The following ANKS1B variants were observed in gnomAD, a reference collection of about 807,000 sequenced individuals.
ANKS1B encodes ankyrin repeat and sterile alpha motif domain containing 1B.
In ANKS1B, 36 loss-of-function variants were observed where a neutral mutation model predicts 148.3. The ratio of observed to expected loss-of-function variants is 0.24; its 90% CI spans 0.19 to 0.32. The LOEUF is 0.32. Among genes scored for constraint, ANKS1B ranks in the 10% least tolerant of loss-of-function variants. The pLI is 1.00. For missense variants in ANKS1B, 1,157 were observed against 1,542.6 expected (o/e 0.75, Z 4.19); for synonymous variants, 542 against 560.8 (o/e 0.97, Z 0.47).
At chr12:99,539,745 T>C (rs1187179411) in intron 9 of ANKS1B, among the ~76,000 whole-genome samples, 1 of 152,140 alleles carries the variant, frequency 6.6e-6, no homozygotes, top group Non-Finnish European at 1.5e-5. Flanking sequence ...TGCTTTTTTG[T>C]TTTCTTATAG....
chr12:99,532,390 C>G (rs564224929), intron 9 of ANKS1B, among the ~76,000 whole-genome samples: 38 of 152,218 alleles, frequency 2.5e-4, no homozygotes, highest in African/African-American at 8.4e-4. Flanking sequence ...GAGACGGAGT[C>G]TCGCTCTGTC....
intron 10 of ANKS1B, among the ~76,000 whole-genome samples, chr12:99,496,892 C>T (rs1185947858): frequency 1.3e-5 from 2 of 152,124 alleles, no homozygotes; most frequent in East Asian, 3.9e-4. Flanking sequence ...CTGCTCAGCC[C>T]CTGAGAAATG....
At chr12:99,625,988 GC>G (rs2098109196) in intron 9 of ANKS1B, among the ~76,000 whole-genome samples, 1 of 152,012 alleles carries the variant, frequency 6.6e-6, no homozygotes, top group South Asian at 2.1e-4. Context: ...TTCTTAGATA[GC>G]CCCCCAAGGA....
intron 10 of ANKS1B, among the ~76,000 whole-genome samples, chr12:99,454,525 C>T (rs2095814467): frequency 6.6e-6 from 1 of 152,196 alleles, no homozygotes; most frequent in Non-Finnish European, 1.5e-5. Context: ...TCAATTCAAA[C>T]ATAAAAAGCA....
At chr12:98,871,928 C>T (rs200788) in intron 17 of ANKS1B, among the ~76,000 whole-genome samples, 90,373 of 151,968 alleles carry the variant, frequency 0.59, 27,263 homozygotes, top group African/African-American at 0.69. Flanking sequence ...GTTTAGTATG[C>T]AATGAGTGAC....
In ANKS1B at chr12:99,655,160, A is replaced by T. The variant is rs886347165; in HGVS notation, c.1179T>A (p.Asp393Glu). The part of the protein sequence containing the change: ...NLSPGEVEEE[D>E]DDENTCGPSG... ...ATGGCCCACACGTATTTTCATCATCATCCTCTTCTTCCACTTCTCCTGGTG... is the reference window on the plus strand; with the variant it reads ...ATGGCCCACACGTATTTTCATCATCTTCCTCTTCTTCCACTTCTCCTGGTG... The change falls in exon 9 of 27, where the codon GAT (aspartate) becomes GAA (glutamate). Residue 393 changes from aspartate to glutamate, a missense_variant. By Grantham distance (45) the Asp-to-Glu change is conservative (BLOSUM62 2). Transcript: ENST00000683438. The T allele has an allele frequency of 1.2e-6, 2 of 1,612,516 alleles. No individual in the cohort carries two copies. Among genetic ancestry groups the T allele is most frequent in the Admixed American group, 3.3e-5 (2 of 59,866 alleles).
rs529398860 is a variant in ANKS1B at position 99,212,777 on chromosome 12, C to A, written c.2419+31565G>T. ...GCAGGCCTAGAGCTGGACTTGTATA[C>A]CTTGAGACTTCCCTGCTATAGGCAG... On this transcript the variant is annotated intron_variant, in intron 14 of 26. Coordinates refer to ENST00000683438, the MANE Select transcript of ANKS1B (RefSeq NM_001352186.2). Among the ~76,000 whole-genome samples the A allele has an allele frequency of 5.3e-5, 8 of 152,236 alleles. No individual in the cohort carries two copies. The East Asian group carries it at 1.5e-3, about 29-fold the overall frequency.
At chr12:99,372,522 T>C (rs1379355015) in intron 12 of ANKS1B, among the ~76,000 whole-genome samples, 16 of 152,156 alleles carry the variant, frequency 1.1e-4, no homozygotes, top group Admixed American at 1.0e-3. Context: ...CTCTGCTTTT[T>C]AAAATTCCTT....
intron 1 of ANKS1B, among the ~76,000 whole-genome samples, chr12:99,895,303 C>T (rs1406481264): frequency 1.3e-5 from 2 of 149,750 alleles, no homozygotes; most frequent in Non-Finnish European, 3.0e-5. Context: ...ACAGAACCAA[C>T]GGGATAGAGA....
chr12:99,142,174 G>A (rs1211036028), intron 15 of ANKS1B, among the ~76,000 whole-genome samples: 1 of 151,126 alleles, frequency 6.6e-6, no homozygotes, highest in Non-Finnish European at 1.5e-5. Flanking sequence ...GGTAGGAGGA[G>A]ATAACAGAGA....
rs1028321807 is a variant in ANKS1B, at chr12:99,873,902, CA to C, written c.135-48514del. ...GCAGACCACCTTTGGACTGGAACTG[CA>C]AGTCTTCCCTGAGTCTCCTGCATGC... On this transcript the variant is annotated intron_variant, in intron 1 of 26. Transcript: ENST00000683438. 2.0e-5 allele frequency among the ~76,000 whole-genome samples: 3 copies of C among 151,910 alleles called. 1 individual carries two copies. The highest frequency in any genetic ancestry group is 2.0e-4 in the Admixed American group (3 of 15,232).
At chr12:99,592,777 G>A (rs2097716103) in intron 9 of ANKS1B, among the ~76,000 whole-genome samples, 1 of 152,132 alleles carries the variant, frequency 6.6e-6, no homozygotes, top group South Asian at 2.1e-4. Flanking sequence ...GAGAACATGT[G>A]CCCAAGGTGC....
rs116719688 is a variant in ANKS1B at position 99,557,277 on chromosome 12, G to C, written c.1273-52636C>G. 9.5e-3 allele frequency among the ~76,000 whole-genome samples: 1,444 copies of C among 152,182 alleles called. 25 individuals carry two copies. The highest frequency in any genetic ancestry group is 0.033 in the African/African-American group (1,378 of 41,544). ...CTCAAATATATTTTCCAGGTTTCTT[G>C]CTTTCTCTCCCTCTCTTTCAGAGAT... On this transcript the variant is annotated intron_variant, in intron 9 of 26. Coordinates refer to ENST00000683438, the MANE Select transcript of ANKS1B (RefSeq NM_001352186.2).
chr12:99,495,309 C>G (rs190352454), intron 10 of ANKS1B, among the ~76,000 whole-genome samples: 50 of 151,202 alleles, frequency 3.3e-4, no homozygotes, highest in African/African-American at 1.2e-3. Flanking sequence ...TATTCACACA[C>G]AGTGGAAACA....
At position 98,985,306 on chromosome 12, in the gene ANKS1B, A is replaced by G. The variant is rs976913394; in HGVS notation, c.2778+67851T>C. ...TAAAAAATTTTTTTTTGCAGAGAAGAGATCTTGCTATATTGACCATACTGA... is the reference window on the plus strand; with the variant it reads ...TAAAAAATTTTTTTTTGCAGAGAAGGGATCTTGCTATATTGACCATACTGA... On this transcript the variant is annotated intron_variant, in intron 17 of 26. Coordinates refer to ENST00000683438, the MANE Select transcript of ANKS1B (RefSeq NM_001352186.2). Among the ~76,000 whole-genome samples, 4 of 152,066 alleles carry G rather than the reference A, an allele frequency of 2.6e-5. No homozygotes were observed. The East Asian group carries it at 5.8e-4, about 22-fold the overall frequency.
At chr12:99,015,197 T>G (rs983036231) in intron 17 of ANKS1B, among the ~76,000 whole-genome samples, 3 of 152,094 alleles carry the variant, frequency 2.0e-5, no homozygotes, top group Non-Finnish European at 4.4e-5. Context: ...TGCAGCCATA[T>G]AAAAGAATGA....
rs185682263 is a variant in ANKS1B at position 99,158,621 on chromosome 12, C to T, written c.2420-4226G>A. On this transcript the variant is annotated intron_variant, in intron 14 of 26. Transcript: ENST00000683438. ...AATCAGAAACCAAAAACAATGCCAA[C>T]AAAAACCAACCATCAAAGTCTTTGC... is the stretch of plus-strand genomic sequence containing the variant. Among the ~76,000 whole-genome samples, 519 of 152,222 alleles carry T rather than the reference C, an allele frequency of 3.4e-3. 2 individuals carry two copies. The highest frequency in any genetic ancestry group is 0.012 in the African/African-American group (486 of 41,546).
chr12:99,909,353 A>G (rs1480617121), intron 1 of ANKS1B, among the ~76,000 whole-genome samples: 2 of 151,928 alleles, frequency 1.3e-5, no homozygotes, highest in African/African-American at 4.8e-5. Context: ...TGCAATAAAC[A>G]TGGGAGCTCA....
At chr12:98,798,815 C>T (rs1301016796) in intron 22 of ANKS1B, 119 bp downstream of exon 22, 2 of 731,426 alleles carry the variant, frequency 2.7e-6, no homozygotes, top group African/African-American at 3.6e-5. Context: ...TATGTAATAC[C>T]AATGTGATTC....
Sources: allele counts gnomAD v4.1 joint callset (sites outside exome capture counted in the v4.1 genomes callset), GRCh38; gene constraint gnomAD v4.1.1; transcripts MANE v1.5; gene names NCBI Gene and HGNC (gene_info 2026-07-23, HGNC 2026-07-21).